Variants in MAP6 observed in about 807,000 individuals in gnomAD.
MAP6 encodes microtubule associated protein 6.
A neutral mutation model predicts 42.4 loss-of-function variants in MAP6; 26 were observed. That is an observed-to-expected ratio of 0.61 (90% CI 0.45 to 0.85). MAP6 has a LOEUF of 0.85. Ranked by LOEUF, MAP6 falls within the 40% of genes least tolerant of loss-of-function variation. The pLI, the probability that MAP6 is intolerant of heterozygous loss-of-function variation, is 0.00. For missense variants in MAP6, 966 were observed against 1,099.0 expected (o/e 0.88, Z 1.71); for synonymous variants, 418 against 443.8 (o/e 0.94, Z 0.73).
chr11:75,646,533 A>G (rs917661268), intron 1 of MAP6, among the ~76,000 whole-genome samples: 3 of 148,612 alleles, frequency 2.0e-5, no homozygotes, highest in Non-Finnish European at 4.5e-5. Context: ...AGGCAAGAGC[A>G]GTAGCTAATG....
At chr11:75,656,174 A>G (rs1943746265) in intron 1 of MAP6, among the ~76,000 whole-genome samples, 1 of 152,196 alleles carries the variant, frequency 6.6e-6, no homozygotes, top group African/African-American at 2.4e-5. Flanking sequence ...ATATGCCACA[A>G]TGTAGGCCAG....
chr11:75,602,200 C>T (rs187742875), intron 3 of MAP6, among the ~76,000 whole-genome samples: 4 of 152,206 alleles, frequency 2.6e-5, no homozygotes, highest in Admixed American at 2.6e-4. Flanking sequence ...CTGCAGTGGC[C>T]TTGCCCTTAC....
chr11:75,647,942 T>A (rs1047777059), intron 1 of MAP6, among the ~76,000 whole-genome samples: 1 of 152,164 alleles, frequency 6.6e-6, no homozygotes, highest in African/African-American at 2.4e-5. Flanking sequence ...GCATTTTTTT[T>A]AGAAAAAGAC....
chr11:75,650,028 C>A (rs996848412), intron 1 of MAP6, among the ~76,000 whole-genome samples: 2 of 152,164 alleles, frequency 1.3e-5, no homozygotes, highest in African/African-American at 4.8e-5. Context: ...GGAATTGATT[C>A]TTTGGCCATG....
chr11:75,643,359 T>C (rs1055250723), intron 1 of MAP6, among the ~76,000 whole-genome samples: 1 of 152,174 alleles, frequency 6.6e-6, no homozygotes, highest in South Asian at 2.1e-4. Flanking sequence ...TATGAGCCTA[T>C]ACTATAAATC....
intron 1 of MAP6, among the ~76,000 whole-genome samples, chr11:75,630,423 T>C (rs1943267519): frequency 6.6e-6 from 1 of 152,246 alleles, no homozygotes; most frequent in Admixed American, 6.5e-5. Context: ...ACAGTTGATA[T>C]TCATTAAAGG....
chr11:75,627,341 G>A (rs1943214367), intron 1 of MAP6, among the ~76,000 whole-genome samples: 2 of 152,218 alleles, frequency 1.3e-5, no homozygotes, highest in South Asian at 4.1e-4. Context: ...TTCCTGGGAG[G>A]GCAGTGTGCA....
chr11:75,604,072 G>A (rs888580931), intron 3 of MAP6: 29 of 985,716 alleles, frequency 2.9e-5, no homozygotes, highest in African/African-American at 8.7e-5. Flanking sequence ...TCATAAACAC[G>A]GAGACCCACC....
intron 1 of MAP6, among the ~76,000 whole-genome samples, chr11:75,618,721 G>A (rs781218060): frequency 2.6e-5 from 4 of 152,166 alleles, no homozygotes; most frequent in Non-Finnish European, 5.9e-5. Flanking sequence ...CCTGACAGTC[G>A]AGACCGGCAG....
At chr11:75,652,037 ATAT>A (rs1284208761) in intron 1 of MAP6, among the ~76,000 whole-genome samples, 3 of 152,226 alleles carry the variant, frequency 2.0e-5, no homozygotes, top group East Asian at 1.9e-4. Flanking sequence ...AATTCAGCAA[ATAT>A]TATTACCCAA....
At chr11:75,595,413 G>A (rs928878863) in intron 3 of MAP6, among the ~76,000 whole-genome samples, 5 of 152,188 alleles carry the variant, frequency 3.3e-5, no homozygotes, top group African/African-American at 1.2e-4. Flanking sequence ...TTCAGACTTG[G>A]TTCCCAGAGC....
At chr11:75,624,913 T>A (rs542389570) in intron 1 of MAP6, among the ~76,000 whole-genome samples, 1 of 152,252 alleles carries the variant, frequency 6.6e-6, no homozygotes, top group South Asian at 2.1e-4. Flanking sequence ...GCGATTCTGT[T>A]CAACACGCAT....
At chr11:75,594,256 C>A (rs1189527930) in intron 3 of MAP6, 5 of 152,218 alleles carry the variant, frequency 3.3e-5, no homozygotes, top group African/African-American at 1.2e-4. Context: ...GCCAACGGCA[C>A]CACAGGGCCC....
At chr11:75,614,480 ACT>A (rs1175033648) in intron 1 of MAP6, among the ~76,000 whole-genome samples, 1 of 151,920 alleles carries the variant, frequency 6.6e-6, no homozygotes, top group East Asian at 1.9e-4. Context: ...TCCTCCTTGT[ACT>A]CTCTCTGGGA....
intron 1 of MAP6, among the ~76,000 whole-genome samples, chr11:75,658,953 T>C (rs1943797556): frequency 1.3e-5 from 2 of 152,206 alleles, no homozygotes; most frequent in East Asian, 3.9e-4. Context: ...AGATATTTTA[T>C]CAGGGCACCT....
At chr11:75,603,372 G>A in intron 3 of MAP6, 2 of 985,784 alleles carry the variant, frequency 2.0e-6, no homozygotes, top group Non-Finnish European at 2.4e-6. Flanking sequence ...CAGTACGTTT[G>A]GGATATAGAA....
intron 1 of MAP6, among the ~76,000 whole-genome samples, chr11:75,618,068 G>A (rs1044741003): frequency 6.6e-6 from 1 of 150,846 alleles, no homozygotes; most frequent in Non-Finnish European, 1.5e-5. Flanking sequence ...GACACAGTAC[G>A]GTACATCTAG....
At chr11:75,599,759 C>A (rs1942636978) in intron 3 of MAP6, among the ~76,000 whole-genome samples, 1 of 152,190 alleles carries the variant, frequency 6.6e-6, no homozygotes, top group African/African-American at 2.4e-5. Flanking sequence ...GAGCCTCCTT[C>A]AGGTGAGAGG....
chr11:75,625,890 C>A (rs954389841), intron 1 of MAP6, among the ~76,000 whole-genome samples: 2 of 152,232 alleles, frequency 1.3e-5, no homozygotes, highest in Non-Finnish European at 2.9e-5. Context: ...GACTCCCCAG[C>A]CAGACCACGG....
Sources: allele counts gnomAD v4.1 joint callset (sites outside exome capture counted in the v4.1 genomes callset), GRCh38; gene constraint gnomAD v4.1.1; transcripts MANE v1.5; gene names NCBI Gene and HGNC (gene_info 2026-07-23, HGNC 2026-07-21).